ABCG2: variants seen among roughly 807,000 people sequenced by gnomAD.
The protein encoded by ABCG2 is ATP binding cassette subfamily G member 2 (JR blood group).
In ABCG2, 80 loss-of-function variants were observed where a neutral mutation model predicts 73.5. The ratio of observed to expected loss-of-function variants is 1.09; its 90% CI spans 0.91 to 1.31. The LOEUF (loss-of-function observed/expected upper bound fraction) is 1.31, where lower values mean the gene tolerates loss of function less well. Among genes scored for constraint, ABCG2 ranks in the 50% most tolerant of loss-of-function variants. ABCG2 has a pLI of 0.00. For synonymous variants in ABCG2, 269 were observed against 282.4 expected, an observed-to-expected ratio of 0.95 and a Z score of 0.48; for missense variants, 796 against 786.2, an observed-to-expected ratio of 1.01 and a Z score of -0.15.
chr4:88,205,900 C>G (rs1209801740), intron 1 of ABCG2, among the ~76,000 whole-genome samples: 2 of 152,136 alleles, frequency 1.3e-5, no homozygotes, highest in African/African-American at 4.8e-5. Flanking sequence ...CCAGGATGGT[C>G]TCGATCTCTT....
At position 88,092,373 on chromosome 4, in the gene ABCG2, C is replaced by T. The variant is rs759471170; in HGVS notation, c.1829G>A (p.Gly610Asp). The change falls in exon 16 of 16, where the codon GGC (glycine) becomes GAC (aspartate). Residue 610 changes from glycine to aspartate, a missense_variant. Coordinates refer to ENST00000237612, the MANE Select transcript of ABCG2 (RefSeq NM_004827.3). Reference sequence around the variant, plus strand: ...GCCCTGCTTTACCAAATATTCTTCGCCAGTACATCTGAAATTAAACAGAAA... The same window carrying T: ...GCCCTGCTTTACCAAATATTCTTCGTCAGTACATCTGAAATTAAACAGAAA... ...NNPCNYATCT[G>D]EEYLVKQGID... 4.4e-6 allele frequency: 7 copies of T among 1,604,960 alleles called. No individual in the cohort carries two copies. The highest frequency in any genetic ancestry group is 5.1e-6 in the Non-Finnish European group (6 of 1,178,000).
chr4:88,218,616 G>A (rs1410867437), intron 1 of ABCG2, among the ~76,000 whole-genome samples: 1 of 152,018 alleles, frequency 6.6e-6, no homozygotes, highest in African/African-American at 2.4e-5. Flanking sequence ...TTTCCCCTGA[G>A]TCCCCAAAGT....
rs908803866 is a variant in ABCG2, at chr4:88,090,878, G to A, written c.*1356C>T. On this transcript the variant is annotated 3_prime_UTR_variant, in exon 16 of 16. Coordinates refer to ENST00000237612, the MANE Select transcript of ABCG2 (RefSeq NM_004827.3). ...ACAAATGCATCTTGCTATATAAAAT[G>A]TTAACATTAAGGGAAGCTGAGCAAA... 7.2e-5 allele frequency: 11 copies of A among 152,216 alleles called. No homozygotes were observed. The highest frequency in any genetic ancestry group is 2.7e-4 in the African/African-American group (11 of 41,462). 9.4% of individuals were successfully genotyped at this position (152,216 alleles called of 1,614,324 possible). A position where few individuals can be genotyped will look rare whatever the true frequency, so the allele number is the denominator to read the frequency against.
At chr4:88,183,678 T>C (rs1252241309) in intron 1 of ABCG2, among the ~76,000 whole-genome samples, 2 of 151,066 alleles carry the variant, frequency 1.3e-5, no homozygotes, top group Non-Finnish European at 3.0e-5. Context: ...TTCCAAAAAA[T>C]AGAGGAAGAG....
At chr4:88,113,842 T>G (rs1331065422) in intron 8 of ABCG2, among the ~76,000 whole-genome samples, 2 of 151,864 alleles carry the variant, frequency 1.3e-5, no homozygotes, top group Admixed American at 6.6e-5. Flanking sequence ...TGCGTGCCTG[T>G]AATCCCAGCC....
Position 88,144,705 on chromosome 4 carries a change from C to T in ABCG2, c.-19-4691G>A, listed in dbSNP as rs543853568. 4.6e-5 allele frequency among the ~76,000 whole-genome samples: 7 copies of T among 152,186 alleles called. No individual in the cohort carries two copies. In the South Asian group the frequency reaches 1.2e-3, roughly 27 times the overall value. On this transcript the variant is annotated intron_variant, in intron 1 of 15. Coordinates refer to ENST00000237612, the MANE Select transcript of ABCG2 (RefSeq NM_004827.3). ...CTCCTGACCTCAGGTGATCCGCCCA[C>T]GTCGGCCTCCAAAAGTGCTGGGATT...
intron 1 of ABCG2, among the ~76,000 whole-genome samples, chr4:88,195,635 A>C (rs559312260): frequency 3.7e-4 from 57 of 152,342 alleles, no homozygotes; most frequent in African/African-American, 1.3e-3. Flanking sequence ...TAATGAAAGG[A>C]AATAAAGTAC....
chr4:88,104,958 T>C (rs2109990978), intron 10 of ABCG2, among the ~76,000 whole-genome samples: 1 of 152,286 alleles, frequency 6.6e-6, no homozygotes, highest in East Asian at 1.9e-4. Flanking sequence ...CCATGTCCTC[T>C]CCAAATGCTT....
intron 1 of ABCG2, among the ~76,000 whole-genome samples, chr4:88,144,449 C>CTTT (rs59434855): frequency 0.014 from 1,053 of 77,524 alleles, 6 homozygotes; most frequent in East Asian, 0.02. Context: ...CACATTTTTA[C>CTTT]TTTTTTTTTT....
At chr4:88,172,776 T>C (rs1560736235) in intron 1 of ABCG2, among the ~76,000 whole-genome samples, 1 of 152,002 alleles carries the variant, frequency 6.6e-6, no homozygotes. Flanking sequence ...AAGATGGAAA[T>C]GTATTCTCTA....
intron 1 of ABCG2, among the ~76,000 whole-genome samples, chr4:88,230,398 TAAGCTGAAATGTTCA>T (rs1219573517): frequency 6.6e-6 from 1 of 150,546 alleles, no homozygotes; most frequent in Non-Finnish European, 1.5e-5. Flanking sequence ...ATTTTCAATT[TAAGCTGAAATGTTCA>T]AAGTGACCAC....
Position 88,101,326 on chromosome 4 carries a change from T to C in ABCG2, c.1278-7A>G, listed in dbSNP as rs201991245. The C allele has an allele frequency of 1.4e-3, 2,307 of 1,613,616 alleles. 2 individuals are homozygous for C. Among genetic ancestry groups the C allele is most frequent in the Non-Finnish European group, 1.8e-3 (2,170 of 1,179,614 alleles). On this transcript the variant is annotated splice_polypyrimidine_tract_variant and splice_region_variant and intron_variant, in intron 10 of 15. Coordinates refer to ENST00000237612, the MANE Select transcript of ABCG2 (RefSeq NM_004827.3). Reference sequence around the variant, plus strand: ...GAAGAAGAGAACCCCAGCTCTGCCATGAAAAGGGGAACCAAATCACCGCAG... The same window carrying C: ...GAAGAAGAGAACCCCAGCTCTGCCACGAAAAGGGGAACCAAATCACCGCAG...
intron 1 of ABCG2, among the ~76,000 whole-genome samples, chr4:88,164,331 C>T (rs981294418): frequency 5.9e-5 from 9 of 152,200 alleles, no homozygotes; most frequent in African/African-American, 2.2e-4. Flanking sequence ...TCCCAAAGTA[C>T]TAGGATTACA....
At chr4:88,126,569 C>T (rs975484334) in intron 5 of ABCG2, among the ~76,000 whole-genome samples, 8 of 152,134 alleles carry the variant, frequency 5.3e-5, no homozygotes, top group African/African-American at 1.9e-4. Flanking sequence ...TATCAAAAAC[C>T]TTATCCACCA....
chr4:88,215,348 G>T (rs368808911), intron 1 of ABCG2, among the ~76,000 whole-genome samples: 7 of 152,296 alleles, frequency 4.6e-5, no homozygotes, highest in African/African-American at 1.7e-4. Flanking sequence ...TGGAGTTAAT[G>T]AGGTTGAAAT....
intron 1 of ABCG2, among the ~76,000 whole-genome samples, chr4:88,192,005 T>C (rs1728710317): frequency 6.6e-6 from 1 of 151,748 alleles, no homozygotes; most frequent in Non-Finnish European, 1.5e-5. Context: ...ATCCCGTCTC[T>C]ATTAAAAATA....
chr4:88,217,044 A>T (rs535087703), intron 1 of ABCG2, among the ~76,000 whole-genome samples: 4 of 149,750 alleles, frequency 2.7e-5, no homozygotes, highest in South Asian at 2.1e-4. Context: ...AAAAAAAAAA[A>T]TTTTTTTTTT....
intron 1 of ABCG2, among the ~76,000 whole-genome samples, chr4:88,203,501 T>C (rs1387539219): frequency 2.0e-5 from 3 of 152,166 alleles, no homozygotes; most frequent in Admixed American, 1.3e-4. Context: ...CCAGGCGCGG[T>C]GGCTCATGCC....
Position 88,114,956 on chromosome 4 carries a change from C to A in ABCG2, c.943+1G>T. On this transcript the variant is annotated splice_donor_variant, in intron 8 of 15. Coordinates refer to ENST00000237612, the MANE Select transcript of ABCG2 (RefSeq NM_004827.3). LOFTEE classifies it high-confidence loss of function. ...TCTGGGACTGTAACAGATTCATATA[C>A]CTTTAAAGTCTTCTTCTCTGTTTAA... 1 of 1,603,076 alleles carries A rather than the reference C, an allele frequency of 6.2e-7. No individual in the cohort carries two copies. The highest frequency in any genetic ancestry group is 2.2e-5 in the East Asian group (1 of 44,652).
Sources: gnomAD v4.1 joint callset for allele counts (sites outside exome capture counted in the v4.1 genomes callset) on GRCh38, gnomAD v4.1.1 for gene constraint, MANE v1.5 for transcripts, NCBI Gene and HGNC (gene_info 2026-07-23, HGNC 2026-07-21) for gene names.